GALNT13: variants seen among roughly 807,000 people sequenced by gnomAD.
GALNT13 encodes polypeptide N-acetylgalactosaminyltransferase 13.
A neutral mutation model predicts 64.2 loss-of-function variants in GALNT13; 28 were observed. The ratio of observed to expected loss-of-function variants is 0.44; its 90% CI spans 0.32 to 0.60. The LOEUF (loss-of-function observed/expected upper bound fraction) is 0.60. Among genes scored for constraint, GALNT13 ranks in the 20% least tolerant of loss-of-function variants. The probability of loss-of-function intolerance (pLI) is 0.05; values close to 1 mark genes in which losing one functional copy is unlikely to be tolerated. For synonymous variants in GALNT13, 214 were observed against 224.6 expected, an observed-to-expected ratio of 0.95 and a Z score of 0.42; for missense variants, 577 against 669.8, an observed-to-expected ratio of 0.86 and a Z score of 1.53.
chr2:153,935,168 A>G (rs1462553207), intron 2 of GALNT13, among the ~76,000 whole-genome samples: 1 of 152,202 alleles, frequency 6.6e-6, no homozygotes, highest in African/African-American at 2.4e-5. Context: ...GTCTAAGAGG[A>G]TATCAATAGG....
At chr2:153,304,959 G>C in the GALNT13 span, among the ~76,000 whole-genome samples, 2 of 152,164 alleles carry the variant, frequency 1.3e-5, no homozygotes, top group African/African-American at 4.8e-5. Context: ...GGTGGGTATA[G>C]GCTGAAACAT....
At chr2:153,372,655 AAAG>A in the GALNT13 span, among the ~76,000 whole-genome samples, 1 of 151,884 alleles carries the variant, frequency 6.6e-6, no homozygotes, top group Non-Finnish European at 1.5e-5. Flanking sequence ...AAAAAAAAAA[AAAG>A]AAAGAAGGAA....
chr2:154,398,641 G>A (rs1002127290), intron 10 of GALNT13, among the ~76,000 whole-genome samples: 4 of 152,170 alleles, frequency 2.6e-5, no homozygotes, highest in Non-Finnish European at 5.9e-5. Context: ...TCCAGCCCCT[G>A]AAGTCAAGCA....
At chr2:153,585,811 T>A in the GALNT13 span, among the ~76,000 whole-genome samples, 2 of 151,304 alleles carry the variant, frequency 1.3e-5, no homozygotes, top group African/African-American at 4.9e-5. Flanking sequence ...CAGGCAAGGA[T>A]TCTGGTTTCG....
At chr2:153,630,817 TTTTTTTTA>T in the GALNT13 span, among the ~76,000 whole-genome samples, 1 of 96,868 alleles carries the variant, frequency 1.0e-5, no homozygotes, top group African/African-American at 4.2e-5. Flanking sequence ...ATTTTTTTTT[TTTTTTTTA>T]TTATACTTTA....
At chr2:154,130,107 C>T (rs1264586615) in intron 3 of GALNT13, among the ~76,000 whole-genome samples, 1 of 152,134 alleles carries the variant, frequency 6.6e-6, no homozygotes, top group Non-Finnish European at 1.5e-5. Context: ...CTTATTTAAT[C>T]TAAGCTTGCA....
intron 9 of GALNT13, among the ~76,000 whole-genome samples, chr2:154,335,025 T>G (rs2105205609): frequency 6.6e-6 from 1 of 152,146 alleles, no homozygotes; most frequent in South Asian, 2.1e-4. Context: ...TAACTTATGC[T>G]CAGCATAAAA....
At chr2:154,102,825 C>T (rs930744481) in intron 3 of GALNT13, among the ~76,000 whole-genome samples, 4 of 151,954 alleles carry the variant, frequency 2.6e-5, no homozygotes, top group Admixed American at 6.6e-5. Flanking sequence ...GTATAGAGTG[C>T]GTATGTATCT....
chr2:154,097,745 T>G (rs1702145564), intron 3 of GALNT13, among the ~76,000 whole-genome samples: 1 of 152,096 alleles, frequency 6.6e-6, no homozygotes, highest in Non-Finnish European at 1.5e-5. Context: ...AAATAACTTT[T>G]CACTTCTCCT....
the GALNT13 span, among the ~76,000 whole-genome samples, chr2:153,368,840 A>G: frequency 6.6e-5 from 10 of 152,158 alleles, no homozygotes; most frequent in Non-Finnish European, 7.4e-5. Flanking sequence ...GAATATTTAG[A>G]GAACTTTCCA....
the GALNT13 span, among the ~76,000 whole-genome samples, chr2:153,763,860 A>T: frequency 6.9e-6 from 1 of 144,506 alleles, no homozygotes; most frequent in Non-Finnish European, 1.5e-5. Flanking sequence ...TCAGAAGAGG[A>T]TAGGAAGATG....
At chr2:153,261,966 C>T in the GALNT13 span, among the ~76,000 whole-genome samples, 1 of 152,104 alleles carries the variant, frequency 6.6e-6, no homozygotes, top group Admixed American at 6.6e-5. Flanking sequence ...GACTTGGCTC[C>T]CCTTTGGCTT....
the GALNT13 span, among the ~76,000 whole-genome samples, chr2:153,648,621 T>A: frequency 1.3e-5 from 2 of 152,170 alleles, no homozygotes; most frequent in Non-Finnish European, 1.5e-5. Context: ...ATAGCTCTTA[T>A]GATTTTGAGA....
chr2:153,298,699 G>A, the GALNT13 span, among the ~76,000 whole-genome samples: 3 of 152,250 alleles, frequency 2.0e-5, no homozygotes, highest in African/African-American at 7.2e-5. Context: ...CCAGAATAAT[G>A]TATCTGCAAA....
the GALNT13 span, among the ~76,000 whole-genome samples, chr2:153,632,820 T>G: frequency 6.6e-6 from 1 of 152,258 alleles, no homozygotes; most frequent in East Asian, 1.9e-4. Flanking sequence ...TGGGGCAATC[T>G]CAGCGCAATG....
At chr2:154,323,260 C>A (rs2105169133) in intron 9 of GALNT13, among the ~76,000 whole-genome samples, 1 of 151,588 alleles carries the variant, frequency 6.6e-6, no homozygotes, top group African/African-American at 2.4e-5. Flanking sequence ...TGTGCCATTG[C>A]ACCTCACTGC....
chr2:154,409,625 C>T (rs1365067250), intron 11 of GALNT13, among the ~76,000 whole-genome samples: 1 of 151,842 alleles, frequency 6.6e-6, no homozygotes, highest in Non-Finnish European at 1.5e-5. Context: ...CATGGTGGGC[C>T]ACATGGAGGC....
chr2:154,429,461 G>T (rs551114644), intron 11 of GALNT13, among the ~76,000 whole-genome samples: 1 of 152,094 alleles, frequency 6.6e-6, no homozygotes, highest in Admixed American at 6.6e-5. Flanking sequence ...TCCACAGCAG[G>T]GCCCTAACTC....
intron 3 of GALNT13, among the ~76,000 whole-genome samples, chr2:154,128,656 G>A (rs1405120937): frequency 1.3e-5 from 2 of 152,122 alleles, no homozygotes; most frequent in Non-Finnish European, 2.9e-5. Context: ...GGCGGGTAGT[G>A]ATTAGATATG....
Sources: gnomAD v4.1 joint callset for allele counts (sites outside exome capture counted in the v4.1 genomes callset) on GRCh38, gnomAD v4.1.1 for gene constraint, MANE v1.5 for transcripts, NCBI Gene and HGNC (gene_info 2026-07-23, HGNC 2026-07-21) for gene names.